The following CYP20A1 variants were observed in gnomAD, a reference collection of about 807,000 sequenced individuals.
CYP20A1 encodes the protein cytochrome P450 20A1.
A neutral mutation model predicts 61.4 loss-of-function variants in CYP20A1; 61 were observed. The ratio of observed to expected loss-of-function variants is 0.99; its 90% CI spans 0.81 to 1.23. The LOEUF is 1.23. Among genes scored for constraint, CYP20A1 ranks in the 50% most tolerant of loss-of-function variants. The pLI is 0.00. For synonymous variants in CYP20A1, 193 were observed against 188.2 expected (o/e 1.03, Z -0.21); for missense variants, 530 against 542.4 (o/e 0.98, Z 0.23).
intron 5 of CYP20A1, among the ~76,000 whole-genome samples, chr2:203,272,431 A>G (rs1215844905): frequency 1.3e-5 from 2 of 151,068 alleles, no homozygotes; most frequent in Non-Finnish European, 2.9e-5. Context: ...AGTCCCAGCT[A>G]CTTGGGAGGC....
intron 6 of CYP20A1, among the ~76,000 whole-genome samples, chr2:203,273,370 A>G (rs901730492): frequency 1.3e-5 from 2 of 152,218 alleles, no homozygotes; most frequent in African/African-American, 4.8e-5. Flanking sequence ...AATGGATGAA[A>G]TTATATGAAA....
chr2:203,271,052 G>GTATATATATATA (rs1352823025), intron 5 of CYP20A1, among the ~76,000 whole-genome samples: 16 of 45,740 alleles, frequency 3.5e-4, no homozygotes, highest in African/African-American at 1.1e-3. Context: ...ATATGTATAT[G>GTATATATATATA]TGTATATATA....
chr2:203,293,971 A>T (rs1278588887), intron 11 of CYP20A1, among the ~76,000 whole-genome samples: 2 of 151,544 alleles, frequency 1.3e-5, no homozygotes, highest in Non-Finnish European at 2.9e-5. Context: ...CCCTGACTTT[A>T]TTTTTTATTT....
intron 9 of CYP20A1, among the ~76,000 whole-genome samples, chr2:203,287,459 A>G (rs2068329809): frequency 6.6e-6 from 1 of 151,906 alleles, no homozygotes; most frequent in African/African-American, 2.4e-5. Flanking sequence ...TAATCCCAAT[A>G]ATTTGGGAGG....
chr2:203,257,324 A>G (rs1053480313), intron 4 of CYP20A1, among the ~76,000 whole-genome samples: 1 of 152,004 alleles, frequency 6.6e-6, no homozygotes, highest in Admixed American at 6.6e-5. Flanking sequence ...TCTCAAAAAA[A>G]AAAAAAAAAA....
rs11304494 is a variant in CYP20A1 at position 203,305,194 on chromosome 2, CTTTTTTTTTTTTTT to C, written c.*8298_*8311del. 3.5e-5 allele frequency among the ~76,000 whole-genome samples: 2 copies of C among 56,898 alleles called. No individual in the cohort carries two copies. Among genetic ancestry groups the C allele is most frequent in the African/African-American group, 7.7e-5 (1 of 12,984 alleles). The allele number at this position is 56,898 out of a possible 152,430, so 37.3% of individuals were successfully genotyped here. On this transcript the variant is annotated 3_prime_UTR_variant, in exon 13 of 13. Transcript: ENST00000356079. ...AATTGGTTTACAGTTCGGTGGCTGT[CTTTTTTTTTTTTTT>C]TTTTTTTTTTTGAGACCGAGTCTCC...
intron 7 of CYP20A1, 69 bp from the exon 8 acceptor site, chr2:203,279,990 A>T: frequency 1.0e-6 from 1 of 997,422 alleles, no homozygotes; most frequent in Non-Finnish European, 1.4e-6. Flanking sequence ...GCTGTAGATT[A>T]TTTTAGCAGG....
chr2:203,252,147 A>G, intron 4 of CYP20A1, 38 bp downstream of exon 4: 1 of 1,516,338 alleles, frequency 6.6e-7, no homozygotes, highest in Non-Finnish European at 8.9e-7. Context: ...GTTCTACAAC[A>G]TAAATAATAG....
At chr2:203,239,520 G>A (rs2066171329) in intron 1 of CYP20A1, among the ~76,000 whole-genome samples, 1 of 152,204 alleles carries the variant, frequency 6.6e-6, no homozygotes, top group African/African-American at 2.4e-5. Context: ...CAGTGTGTCA[G>A]GACGAGACTC....
Position 203,303,731 on chromosome 2 carries a change from C to T in CYP20A1, c.*6823C>T, listed in dbSNP as rs567760393. ...AGAAAAAAAGAAAAAGAAAACTTAACTGGCCTTTGGGGCACATGCCTGTAA... is the reference window on the plus strand; with the variant it reads ...AGAAAAAAAGAAAAAGAAAACTTAATTGGCCTTTGGGGCACATGCCTGTAA... On this transcript the variant is annotated 3_prime_UTR_variant, in exon 13 of 13. Transcript: ENST00000356079. Among the ~76,000 whole-genome samples the T allele has an allele frequency of 6.5e-4, 99 of 151,988 alleles. 1 individual carries two copies. Among genetic ancestry groups the T allele is most frequent in the African/African-American group, 2.2e-3 (93 of 41,476 alleles).
chr2:203,267,932 TG>T (rs1301267439), intron 5 of CYP20A1, among the ~76,000 whole-genome samples: 11 of 152,300 alleles, frequency 7.2e-5, no homozygotes, highest in African/African-American at 1.7e-4. Context: ...TTTATGCTGA[TG>T]TTTTTTTTCT....
At chr2:203,268,166 C>A (rs1389992242) in intron 5 of CYP20A1, among the ~76,000 whole-genome samples, 2 of 152,112 alleles carry the variant, frequency 1.3e-5, no homozygotes, top group African/African-American at 4.8e-5. Flanking sequence ...AGAGTAGATT[C>A]AACATTTTGC....
chr2:203,274,400 G>A (rs2067729520), intron 6 of CYP20A1, among the ~76,000 whole-genome samples: 1 of 151,976 alleles, frequency 6.6e-6, no homozygotes, highest in Non-Finnish European at 1.5e-5. Context: ...TGGCCAGACT[G>A]GTCTTGAACT....
chr2:203,296,879 G>A lies in CYP20A1; in HGVS notation c.1360G>A (p.Ala454Thr). The change falls in exon 13 of 13, where the codon GCT (alanine) becomes ACT (threonine). Residue 454 changes from alanine (A) to threonine (T), a missense_variant. By Grantham distance (58) the Ala-to-Thr change is moderately conservative. Coordinates refer to ENST00000356079, the MANE Select transcript of CYP20A1 (RefSeq NM_177538.3). ...YELVTSSREE[A>T]WITVSKRY Reference sequence around the variant, plus strand: ...ACTGGTAACATCATCAAGGGAAGAAGCTTGGATCACTGTCTCAAAGAGATA... The same window carrying A: ...ACTGGTAACATCATCAAGGGAAGAAACTTGGATCACTGTCTCAAAGAGATA... 2 of 1,599,116 alleles carry A rather than the reference G, an allele frequency of 1.3e-6. No homozygotes were observed. The highest frequency in any genetic ancestry group is 1.7e-6 in the Non-Finnish European group (2 of 1,174,530).
intron 5 of CYP20A1, among the ~76,000 whole-genome samples, chr2:203,267,478 G>C (rs1017175738): frequency 6.7e-6 from 1 of 150,238 alleles, no homozygotes; most frequent in African/African-American, 2.5e-5. Flanking sequence ...AGGTTATAGT[G>C]AGCCAAGACC....
intron 5 of CYP20A1, among the ~76,000 whole-genome samples, chr2:203,269,273 T>C (rs1379275122): frequency 2.1e-5 from 3 of 144,528 alleles, no homozygotes; most frequent in Admixed American, 7.4e-5. Context: ...GAGACCCCTG[T>C]CTCCAATTTT....
At chr2:203,257,610 A>G (rs2066941420) in intron 4 of CYP20A1, among the ~76,000 whole-genome samples, 1 of 152,014 alleles carries the variant, frequency 6.6e-6, no homozygotes, top group Non-Finnish European at 1.5e-5. Context: ...CAACAAAGTG[A>G]AACTCCGTCT....
chr2:203,286,326 AAG>A (rs937182853), intron 9 of CYP20A1, among the ~76,000 whole-genome samples: 4 of 152,154 alleles, frequency 2.6e-5, no homozygotes, highest in African/African-American at 9.7e-5. Context: ...GGCTCTTAAA[AAG>A]TTCAACATAC....
intron 6 of CYP20A1, among the ~76,000 whole-genome samples, chr2:203,276,997 A>G (rs985355152): frequency 1.3e-5 from 2 of 152,188 alleles, no homozygotes; most frequent in Admixed American, 1.3e-4. Flanking sequence ...ATGAGCAGGC[A>G]GTAAAGTGGG....
Sources: allele counts gnomAD v4.1 joint callset (sites outside exome capture counted in the v4.1 genomes callset), GRCh38; gene constraint gnomAD v4.1.1; transcripts MANE v1.5; gene names NCBI Gene and HGNC (gene_info 2026-07-23, HGNC 2026-07-21).